TRAPPC6B: variants seen among roughly 807,000 people sequenced by gnomAD.
The protein encoded by TRAPPC6B is TRAPP complex subunit 6B.
Under a neutral mutation model 24.7 loss-of-function variants are expected in TRAPPC6B, and 27 were observed. The observed-to-expected ratio is 1.09, with a 90% CI of 0.81 to 1.51. The LOEUF is 1.51. Among genes scored for constraint, TRAPPC6B ranks in the 40% most tolerant of loss-of-function variants. The pLI is 0.00. For missense variants in TRAPPC6B, 212 were observed against 190.8 expected, an observed-to-expected ratio of 1.11 and a Z score of -0.66; for synonymous variants, 80 against 66.6, an observed-to-expected ratio of 1.20 and a Z score of -0.98.
At chr14:39,167,737 G>A (rs1476822095) in intron 1 of TRAPPC6B, among the ~76,000 whole-genome samples, 1 of 152,022 alleles carries the variant, frequency 6.6e-6, no homozygotes, top group East Asian at 1.9e-4. Flanking sequence ...CACTGCAGTA[G>A]AAAAAGAAAG....
chr14:39,157,106 CAAAAAAAAA>C (rs58837625), intron 3 of TRAPPC6B: 3 of 142,916 alleles, frequency 2.1e-5, no homozygotes, highest in South Asian at 1.3e-4. Flanking sequence ...GACTCCATCT[CAAAAAAAAA>C]AAAAAAAAAA....
At position 39,154,309 on chromosome 14, in the gene TRAPPC6B, GA is replaced by G. The variant is rs142476037; in HGVS notation, c.268-16del. 6.4e-6 allele frequency: 10 copies of G among 1,569,816 alleles called. No homozygotes were observed. Among genetic ancestry groups the G allele is most frequent in the East Asian group, 2.2e-5 (1 of 44,550 alleles). On this transcript the variant is annotated splice_polypyrimidine_tract_variant and intron_variant, in intron 3 of 5. Coordinates refer to ENST00000330149, the MANE Select transcript of TRAPPC6B (RefSeq NM_001079537.2). Reference sequence around the variant, plus strand: ...ACATAGATGCCCTGTTCCAAAAATAGAAAAAAAATCCAAAGTCAATGTACCT... The same window carrying G: ...ACATAGATGCCCTGTTCCAAAAATAGAAAAAAATCCAAAGTCAATGTACCT...
chr14:39,159,433 CT>C, intron 2 of TRAPPC6B, 49 bp downstream of exon 2: 1 of 1,307,706 alleles, frequency 7.6e-7, no homozygotes, highest in Non-Finnish European at 1.1e-6. Context: ...AATAGATCAC[CT>C]TTGTTTATAA....
At chr14:39,166,238 C>G (rs374974358) in intron 1 of TRAPPC6B, among the ~76,000 whole-genome samples, 1 of 149,592 alleles carries the variant, frequency 6.7e-6, no homozygotes. Flanking sequence ...ACCACACTAA[C>G]CCAGAGACTT....
At chr14:39,158,557 GC>G in intron 2 of TRAPPC6B, 155 bp from the exon 3 acceptor site, 1 of 555,330 alleles carries the variant, frequency 1.8e-6, no homozygotes, top group South Asian at 2.3e-5. Flanking sequence ...TGGCTCTGTC[GC>G]CCAGGTTAGA....
chr14:39,159,680 A>C (rs1358549331), intron 1 of TRAPPC6B, 130 bp from the exon 2 acceptor site: 2 of 538,922 alleles, frequency 3.7e-6, no homozygotes, highest in Non-Finnish European at 6.0e-6. Flanking sequence ...ACAGTTTAAG[A>C]AAAAGTGAAT....
chr14:39,150,873 G>C lies in TRAPPC6B; in HGVS notation c.446-492C>G, dbSNP rs181281826. Reference sequence around the variant, plus strand: ...TTTTTATGGGATGATTATATGGTTTGTTGAGTAAGCACTTTTGTTTCTCTT... The same window carrying C: ...TTTTTATGGGATGATTATATGGTTTCTTGAGTAAGCACTTTTGTTTCTCTT... On this transcript the variant is annotated intron_variant, in intron 5 of 5. Coordinates refer to ENST00000330149, the MANE Select transcript of TRAPPC6B (RefSeq NM_001079537.2). Among the ~76,000 whole-genome samples, 51 of 152,200 alleles carry C rather than the reference G, an allele frequency of 3.4e-4. No homozygotes were observed. The East Asian group carries it at 8.5e-3, about 25-fold the overall frequency.
intron 4 of TRAPPC6B, among the ~76,000 whole-genome samples, chr14:39,153,420 G>A (rs954777729): frequency 6.6e-6 from 1 of 151,380 alleles, no homozygotes; most frequent in African/African-American, 2.4e-5. Context: ...TTGAGCCCAG[G>A]AGTTCAAGAC....
At chr14:39,150,772 C>T (rs2052901515) in intron 5 of TRAPPC6B, among the ~76,000 whole-genome samples, 2 of 152,130 alleles carry the variant, frequency 1.3e-5, no homozygotes, top group African/African-American at 4.8e-5. Context: ...CTCCTGACCT[C>T]ATGATACGCC....
chr14:39,164,166 G>A (rs1372830946), intron 1 of TRAPPC6B, among the ~76,000 whole-genome samples: 5 of 152,036 alleles, frequency 3.3e-5, no homozygotes, highest in Admixed American at 3.3e-4. Context: ...ATTTCTGGTA[G>A]TGTAACTTCT....
chr14:39,164,483 ACT>A (rs912709827), intron 1 of TRAPPC6B, among the ~76,000 whole-genome samples: 4 of 144,130 alleles, frequency 2.8e-5, no homozygotes, highest in Non-Finnish European at 6.0e-5. Context: ...TAACAGTGAA[ACT>A]CTGTCTAAAA....
At chr14:39,165,983 T>C (rs940483911) in intron 1 of TRAPPC6B, among the ~76,000 whole-genome samples, 1 of 152,190 alleles carries the variant, frequency 6.6e-6, no homozygotes, top group African/African-American at 2.4e-5. Context: ...TTTGTATTTT[T>C]AGTAGAGACG....
At chr14:39,165,842 C>T (rs1440510150) in intron 1 of TRAPPC6B, among the ~76,000 whole-genome samples, 1 of 150,570 alleles carries the variant, frequency 6.6e-6, no homozygotes, top group Non-Finnish European at 1.5e-5. Flanking sequence ...CTTGCTCTGT[C>T]ACCCAGGTTG....
intron 4 of TRAPPC6B, 135 bp from the exon 5 acceptor site, chr14:39,151,974 A>G: frequency 3.2e-6 from 2 of 623,360 alleles, no homozygotes; most frequent in South Asian, 4.8e-5. Context: ...AACTGTTCAA[A>G]TTACTGAAAA....
At chr14:39,153,515 A>G (rs2052939565) in intron 4 of TRAPPC6B, among the ~76,000 whole-genome samples, 1 of 151,254 alleles carries the variant, frequency 6.6e-6, no homozygotes, top group South Asian at 2.1e-4. Context: ...CTGCAGTCCT[A>G]CCTCCTTGGG....
intron 5 of TRAPPC6B, among the ~76,000 whole-genome samples, chr14:39,151,113 C>T (rs113805049): frequency 3.3e-5 from 5 of 151,814 alleles, no homozygotes; most frequent in African/African-American, 7.2e-5. Flanking sequence ...ATTTTCGGGC[C>T]GGGCGCGGTG....
intron 1 of TRAPPC6B, among the ~76,000 whole-genome samples, chr14:39,161,863 G>A (rs186487528): frequency 3.3e-4 from 50 of 152,286 alleles, no homozygotes; most frequent in East Asian, 3.9e-4. Context: ...GAGAAGCTAG[G>A]TCAATTTCTG....
chr14:39,159,892 G>A lies in TRAPPC6B; in HGVS notation c.82-342C>T, dbSNP rs1022528059. Among the ~76,000 whole-genome samples, 6 of 151,908 alleles carry A rather than the reference G, an allele frequency of 3.9e-5. No homozygotes were observed. In the East Asian group the frequency reaches 7.7e-4, roughly 20 times the overall value. On this transcript the variant is annotated intron_variant, in intron 1 of 5. Coordinates refer to ENST00000330149, the MANE Select transcript of TRAPPC6B (RefSeq NM_001079537.2). ...GGCTGCAGTACAGTGGGGCCATCTC[G>A]GCTCACTGCAACCTCCATCTACAGG...
At chr14:39,164,959 C>T (rs1031791655) in intron 1 of TRAPPC6B, among the ~76,000 whole-genome samples, 2 of 152,196 alleles carry the variant, frequency 1.3e-5, no homozygotes, top group African/African-American at 4.8e-5. Context: ...TCCCTTTTAC[C>T]ACTCTGAAAT....
Sources: allele counts gnomAD v4.1 joint callset (sites outside exome capture counted in the v4.1 genomes callset), GRCh38; gene constraint gnomAD v4.1.1; transcripts MANE v1.5; gene names NCBI Gene and HGNC (gene_info 2026-07-23, HGNC 2026-07-21).